The following CSMD2 variants were observed in gnomAD, a reference collection of about 807,000 sequenced individuals.
CSMD2 encodes the protein CUB and sushi domain-containing protein 2.
A neutral mutation model predicts 398.5 loss-of-function variants in CSMD2; 130 were observed. The observed-to-expected ratio is 0.33, with a 90% CI of 0.28 to 0.38. The LOEUF is 0.38. Ranked by LOEUF, CSMD2 falls within the 10% of genes least tolerant of loss-of-function variation. The pLI, the probability that CSMD2 is intolerant of heterozygous loss-of-function variation, is 1.00. For missense variants in CSMD2, 3,829 were observed against 4,764.9 expected (o/e 0.80, Z 5.78); for synonymous variants, 1,828 against 1,908.5 (o/e 0.96, Z 1.10).
At chr1:33,729,158 C>G (rs183460279) in intron 15 of CSMD2, among the ~76,000 whole-genome samples, 189 of 152,334 alleles carry the variant, frequency 1.2e-3, no homozygotes, top group Middle Eastern at 0.01. Flanking sequence ...GCCCGGGGAG[C>G]TACAGATCAT....
chr1:33,976,220 G>A (rs540654657), intron 3 of CSMD2, among the ~76,000 whole-genome samples: 1 of 152,296 alleles, frequency 6.6e-6, no homozygotes, highest in South Asian at 2.1e-4. Flanking sequence ...CATCTGTCTT[G>A]CCCAAGGGCT....
At chr1:33,649,072 C>T (rs1473407245) in intron 28 of CSMD2, among the ~76,000 whole-genome samples, 1 of 152,114 alleles carries the variant, frequency 6.6e-6, no homozygotes, top group African/African-American at 2.4e-5. Flanking sequence ...TTTCCACAAA[C>T]TTTTTGAAGT....
rs962799374 is a variant in CSMD2 at position 34,163,561 on chromosome 1, G to C, written c.187+1350C>G. Among the ~76,000 whole-genome samples, 1 of 152,232 alleles carries C rather than the reference G, an allele frequency of 6.6e-6. No individual in the cohort carries two copies. The highest frequency in any genetic ancestry group is 2.4e-5 in the African/African-American group (1 of 41,474). ...CAGAGAGCTCGCCACTCACTGACCTGCCAGAGGAGAGGCGCACTTTCCCAA... is the reference window on the plus strand; with the variant it reads ...CAGAGAGCTCGCCACTCACTGACCTCCCAGAGGAGAGGCGCACTTTCCCAA... On this transcript the variant is annotated intron_variant, in intron 1 of 70. Transcript: ENST00000373381. This position sits in a 1 kb window ranked among gnomAD's most constrained non-coding sequence, Gnocchi z 5.4.
chr1:33,912,744 T>C (rs979080577), intron 5 of CSMD2, among the ~76,000 whole-genome samples: 1 of 152,204 alleles, frequency 6.6e-6, no homozygotes, highest in Non-Finnish European at 1.5e-5. Flanking sequence ...GGAGTACCTC[T>C]GCTTTCCTAG....
intron 5 of CSMD2, among the ~76,000 whole-genome samples, chr1:33,908,179 G>C (rs572786136): frequency 1.3e-5 from 2 of 152,152 alleles, no homozygotes; most frequent in Non-Finnish European, 2.9e-5. Context: ...GGGAACCTGG[G>C]AAGTGGTTGC....
rs1251455338 is a variant in CSMD2, at chr1:33,742,584, C to CA, written c.2173+695_2173+696insT. On this transcript the variant is annotated intron_variant, in intron 14 of 70. Coordinates refer to ENST00000373381, the MANE Select transcript of CSMD2 (RefSeq NM_001281956.2). ...TCTAGTCACCAAGCTTCTGCCCCCC[C>CA]CCCCCCAACCCCCTCTGTAACCACG... Among the ~76,000 whole-genome samples, 2 of 139,096 alleles carry CA rather than the reference C, an allele frequency of 1.4e-5. 1 individual carries two copies. The highest frequency in any genetic ancestry group is 3.1e-5 in the Non-Finnish European group (2 of 64,426). The allele number at this position is 139,096 out of a possible 152,430, so 91.3% of individuals were successfully genotyped here. A position where few individuals can be genotyped will look rare whatever the true frequency, so the allele number is the denominator to read the frequency against.
At chr1:33,867,359 G>A (rs1350960804) in intron 5 of CSMD2, among the ~76,000 whole-genome samples, 1 of 152,208 alleles carries the variant, frequency 6.6e-6, no homozygotes, top group African/African-American at 2.4e-5. Context: ...GTGGGTAGGT[G>A]AATCCTTCCC....
At chr1:33,872,914 T>C (rs1279505080) in intron 5 of CSMD2, among the ~76,000 whole-genome samples, 1 of 152,170 alleles carries the variant, frequency 6.6e-6, no homozygotes, top group African/African-American at 2.4e-5. Flanking sequence ...ACCAAGAAAC[T>C]TGCAGTCTTT....
chr1:34,024,051 C>T (rs1649302148), intron 3 of CSMD2, among the ~76,000 whole-genome samples: 1 of 152,172 alleles, frequency 6.6e-6, no homozygotes, highest in Admixed American at 6.5e-5. Context: ...GGGAGACTTG[C>T]CCAAGGTCTC....
rs145220456 is a variant in CSMD2 at position 33,779,757 on chromosome 1, C to T, written c.1664-7006G>A. On this transcript the variant is annotated intron_variant, in intron 12 of 70. Transcript: ENST00000373381. Reference sequence around the variant, plus strand: ...TTGGACATTTCTGTTGTTATAGCAACGGGTGCTGCAATTTTGGGCGTGTGT... The same window carrying T: ...TTGGACATTTCTGTTGTTATAGCAATGGGTGCTGCAATTTTGGGCGTGTGT... Among the ~76,000 whole-genome samples, 1,217 of 152,290 alleles carry T rather than the reference C, an allele frequency of 8.0e-3. 10 individuals carry two copies. The highest frequency in any genetic ancestry group is 0.031 in the Middle Eastern group (9 of 294).
intron 11 of CSMD2, among the ~76,000 whole-genome samples, chr1:33,790,770 A>G (rs889458300): frequency 6.9e-6 from 1 of 145,238 alleles, no homozygotes; most frequent in African/African-American, 2.8e-5. Context: ...ATCATCTATC[A>G]TCTATCAATC....
Position 33,678,659 on chromosome 1 carries a change from T to C in CSMD2, c.4052+14271A>G, listed in dbSNP as rs189034635. Among the ~76,000 whole-genome samples the C allele has an allele frequency of 3.4e-3, 521 of 152,018 alleles. 6 individuals carry two copies. The highest frequency in any genetic ancestry group is 0.012 in the African/African-American group (500 of 41,310). On this transcript the variant is annotated intron_variant, in intron 25 of 70. Coordinates refer to ENST00000373381, the MANE Select transcript of CSMD2 (RefSeq NM_001281956.2). Reference sequence around the variant, plus strand: ...AGAAAATAATACTTGTTTTATCAAATGCCCCCCTCTAAGCTGACCGAGCTG... The same window carrying C: ...AGAAAATAATACTTGTTTTATCAAACGCCCCCCTCTAAGCTGACCGAGCTG...
At chr1:33,817,370 T>C (rs1426811539) in intron 9 of CSMD2, among the ~76,000 whole-genome samples, 1 of 152,174 alleles carries the variant, frequency 6.6e-6, no homozygotes, top group Non-Finnish European at 1.5e-5. Flanking sequence ...GAAAATGCCT[T>C]GTTTAAATTT....
chr1:33,922,610 T>G (rs182941268), intron 4 of CSMD2, among the ~76,000 whole-genome samples: 31 of 152,246 alleles, frequency 2.0e-4, no homozygotes, highest in African/African-American at 6.5e-4. Flanking sequence ...AAAATCACTC[T>G]CATCCTTTCC....
intron 2 of CSMD2, among the ~76,000 whole-genome samples, 195 bp from the exon 3 acceptor site, chr1:34,032,901 G>A (rs1260009287): frequency 5.3e-5 from 8 of 152,182 alleles, no homozygotes; most frequent in Non-Finnish European, 8.8e-5. Flanking sequence ...AAGTGACTCC[G>A]CCAAAGCCAT....
chr1:33,900,356 C>T (rs1642665642), intron 5 of CSMD2, among the ~76,000 whole-genome samples: 1 of 152,156 alleles, frequency 6.6e-6, no homozygotes, highest in Non-Finnish European at 1.5e-5. Flanking sequence ...CCCAGAGGAG[C>T]AGAAGAGAAA....
chr1:34,003,867 T>G (rs1232591178), intron 3 of CSMD2, among the ~76,000 whole-genome samples: 1 of 152,226 alleles, frequency 6.6e-6, no homozygotes, highest in African/African-American at 2.4e-5. Context: ...GTCCGAGGCC[T>G]TTCAGGCTGA....
intron 7 of CSMD2, among the ~76,000 whole-genome samples, chr1:33,823,344 G>T (rs1010461330): frequency 6.6e-6 from 1 of 152,036 alleles, no homozygotes; most frequent in Non-Finnish European, 1.5e-5. Context: ...AAATCTCAGC[G>T]ATCAGTTTAC....
At chr1:33,723,648 G>C (rs1026185635) in intron 19 of CSMD2, among the ~76,000 whole-genome samples, 1 of 152,222 alleles carries the variant, frequency 6.6e-6, no homozygotes, top group African/African-American at 2.4e-5. Flanking sequence ...GGCATCAGGG[G>C]AGGAGCTGAG....
Sources: allele counts gnomAD v4.1 joint callset (sites outside exome capture counted in the v4.1 genomes callset), GRCh38; gene constraint gnomAD v4.1.1; non-coding constraint Gnocchi (gnomAD v3.1); transcripts MANE v1.5; gene names NCBI Gene and HGNC (gene_info 2026-07-23, HGNC 2026-07-21).